The following TENM2 variants were observed in gnomAD, a reference collection of about 807,000 sequenced individuals.
TENM2 encodes teneurin transmembrane protein 2.
A neutral mutation model predicts 245.2 loss-of-function variants in TENM2; 52 were observed. That is an observed-to-expected ratio of 0.21 (90% CI 0.17 to 0.27). TENM2 has a LOEUF of 0.27. TENM2 is among the 10% of genes least tolerant of loss of function. The pLI is 1.00. For synonymous variants in TENM2, 1,363 were observed against 1,438.9 expected, an observed-to-expected ratio of 0.95 and a Z score of 1.19; for missense variants, 3,046 against 3,666.8, an observed-to-expected ratio of 0.83 and a Z score of 4.37.
chr5:168,175,480 G>A (rs552030240), intron 13 of TENM2, among the ~76,000 whole-genome samples: 5 of 152,250 alleles, frequency 3.3e-5, no homozygotes, highest in African/African-American at 7.2e-5. Context: ...TCACTGTCAT[G>A]TTCCCTTTAG....
At chr5:167,418,457 G>A (rs1000596936) in intron 2 of TENM2, among the ~76,000 whole-genome samples, 1 of 152,116 alleles carries the variant, frequency 6.6e-6, no homozygotes, top group Non-Finnish European at 1.5e-5. Flanking sequence ...GGGTGACTTT[G>A]TTGCTATATT....
chr5:167,433,489 CCT>C (rs966339883), intron 2 of TENM2, among the ~76,000 whole-genome samples: 1 of 152,036 alleles, frequency 6.6e-6, no homozygotes, highest in Non-Finnish European at 1.5e-5. Flanking sequence ...ATTATTTTCC[CCT>C]CTTATGCTTT....
chr5:167,197,693 T>A, the TENM2 span, among the ~76,000 whole-genome samples: 2 of 152,028 alleles, frequency 1.3e-5, no homozygotes, highest in Admixed American at 6.6e-5. Context: ...TTCTTCCATA[T>A]GAACATGAAA....
At chr5:167,338,586 C>T (rs917860800) in intron 1 of TENM2, among the ~76,000 whole-genome samples, 1 of 152,066 alleles carries the variant, frequency 6.6e-6, no homozygotes, top group African/African-American at 2.4e-5. Context: ...CGTGGTTTTC[C>T]CTTCTTTTAA....
the TENM2 span, among the ~76,000 whole-genome samples, chr5:167,078,439 C>T: frequency 1.3e-5 from 2 of 152,124 alleles, no homozygotes; most frequent in South Asian, 2.1e-4. Context: ...GCAGAGATCT[C>T]GCCATTGCAC....
At chr5:166,995,432 A>G in the TENM2 span, among the ~76,000 whole-genome samples, 1 of 151,696 alleles carries the variant, frequency 6.6e-6, no homozygotes, top group Non-Finnish European at 1.5e-5. Flanking sequence ...TAGTAGAGAC[A>G]GGGTTTCACT....
At chr5:167,996,828 T>C (rs890531891) in intron 5 of TENM2, among the ~76,000 whole-genome samples, 3 of 152,090 alleles carry the variant, frequency 2.0e-5, no homozygotes, top group Non-Finnish European at 4.4e-5. Flanking sequence ...AACCTCTGCC[T>C]CCCGGGTTCA....
chr5:167,284,940 C>T (rs1771251517), exon 1 of TENM2: 1 of 1,551,742 alleles, frequency 6.4e-7, no homozygotes, highest in Admixed American at 2.0e-5. Context: ...CTGCCGCGTG[C>T]CCACACAGAA....
At chr5:167,727,204 G>A (rs1760082173) in intron 2 of TENM2, among the ~76,000 whole-genome samples, 1 of 145,236 alleles carries the variant, frequency 6.9e-6, no homozygotes. Context: ...CCATCTCCCG[G>A]GTTCATGCCA....
chr5:167,810,747 C>G (rs569989326), intron 2 of TENM2, among the ~76,000 whole-genome samples: 1 of 152,268 alleles, frequency 6.6e-6, no homozygotes, highest in African/African-American at 2.4e-5. Context: ...AGAGGCCACA[C>G]TTGTCACAAT....
the TENM2 span, among the ~76,000 whole-genome samples, chr5:167,034,397 G>A: frequency 6.6e-6 from 1 of 152,132 alleles, no homozygotes; most frequent in Non-Finnish European, 1.5e-5. Flanking sequence ...TTGGGAGGCC[G>A]AGGCGGGTGG....
chr5:167,746,510 C>T (rs1483449405), intron 2 of TENM2, among the ~76,000 whole-genome samples: 4 of 152,108 alleles, frequency 2.6e-5, no homozygotes, highest in Admixed American at 2.6e-4. Flanking sequence ...AATGGGATGA[C>T]CAGCCTCATA....
chr5:167,263,812 C>A, the TENM2 span, among the ~76,000 whole-genome samples: 35 of 152,158 alleles, frequency 2.3e-4, no homozygotes, highest in Non-Finnish European at 4.6e-4. Flanking sequence ...TGGCCAGGCA[C>A]AGTGGCTCAC....
chr5:167,625,515 G>A (rs973119395), intron 2 of TENM2, among the ~76,000 whole-genome samples: 1 of 152,156 alleles, frequency 6.6e-6, no homozygotes, highest in African/African-American at 2.4e-5. Flanking sequence ...TGAAGTGTAT[G>A]TGTGATCATT....
intron 3 of TENM2, among the ~76,000 whole-genome samples, chr5:167,930,448 T>C (rs1377852507): frequency 6.9e-6 from 1 of 144,950 alleles, no homozygotes; most frequent in Non-Finnish European, 1.5e-5. Context: ...GAGCTTTTCT[T>C]AGAATTTTAT....
intron 4 of TENM2, among the ~76,000 whole-genome samples, chr5:167,981,468 A>T (rs1051775272): frequency 3.3e-5 from 5 of 152,206 alleles, no homozygotes; most frequent in Non-Finnish European, 7.3e-5. Context: ...ATAGGGTAAT[A>T]GGTGTAATAT....
At position 168,016,325 on chromosome 5, in the gene TENM2, G is replaced by A. The variant is rs144669971; in HGVS notation, c.1186+23143G>A. Among the ~76,000 whole-genome samples, 250 of 152,268 alleles carry A rather than the reference G, an allele frequency of 1.6e-3. 4 individuals are homozygous for A. Among genetic ancestry groups the A allele is most frequent in the African/African-American group, 5.4e-3 (223 of 41,558 alleles). On this transcript the variant is annotated intron_variant, in intron 5 of 28. Transcript: ENST00000518659. ...TCACCTCCCATGGGGAGTCCCCAAC[G>A]CCCTTCAACTCTGTCTTACTATCAT... is the stretch of plus-strand genomic sequence containing the variant.
intron 2 of TENM2, among the ~76,000 whole-genome samples, chr5:167,859,612 G>C (rs1771511822): frequency 9.0e-6 from 1 of 110,954 alleles, no homozygotes; most frequent in Non-Finnish European, 1.9e-5. Context: ...AGGTGGGGGG[G>C]TCAGCCCTCC....
chr5:167,955,146 A>C (rs1780449630), intron 4 of TENM2, among the ~76,000 whole-genome samples: 1 of 152,114 alleles, frequency 6.6e-6, no homozygotes, highest in Admixed American at 6.5e-5. Context: ...CCTGACTTTC[A>C]ATGATCGCCA....
Sources: allele counts gnomAD v4.1 joint callset (sites outside exome capture counted in the v4.1 genomes callset), GRCh38; gene constraint gnomAD v4.1.1; transcripts MANE v1.5; gene names NCBI Gene and HGNC (gene_info 2026-07-23, HGNC 2026-07-21).